The following RHOBTB1 variants were observed in gnomAD, a reference collection of about 807,000 sequenced individuals.
RHOBTB1 encodes the protein Rho related BTB domain containing 1, also known as rho-related BTB domain-containing protein 1.
A neutral mutation model predicts 71.6 loss-of-function variants in RHOBTB1; 40 were observed. That is an observed-to-expected ratio of 0.56 (90% CI 0.43 to 0.73). The LOEUF is 0.73. Among genes scored for constraint, RHOBTB1 ranks in the 30% least tolerant of loss-of-function variants. The pLI, the probability that RHOBTB1 is intolerant of heterozygous loss-of-function variation, is 0.00. For missense variants in RHOBTB1, 797 were observed against 894.0 expected, an observed-to-expected ratio of 0.89 and a Z score of 1.38; for synonymous variants, 319 against 334.9, an observed-to-expected ratio of 0.95 and a Z score of 0.52.
At chr10:60,894,935 T>C (rs1016823887) in intron 4 of RHOBTB1, among the ~76,000 whole-genome samples, 1 of 152,188 alleles carries the variant, frequency 6.6e-6, no homozygotes, top group Admixed American at 6.5e-5. Flanking sequence ...CATGTGAGGT[T>C]TTGAAATCAG....
intron 2 of RHOBTB1, among the ~76,000 whole-genome samples, chr10:60,974,504 A>G (rs867979915): frequency 1.3e-5 from 2 of 152,124 alleles, no homozygotes; most frequent in Non-Finnish European, 2.9e-5. Flanking sequence ...AAATATACAT[A>G]GCTAAATGAT....
chr10:60,880,392 C>T (rs1406119652), intron 7 of RHOBTB1, among the ~76,000 whole-genome samples: 1 of 152,042 alleles, frequency 6.6e-6, no homozygotes, highest in Non-Finnish European at 1.5e-5. Flanking sequence ...TTGTTATTCT[C>T]CTATGCAGCC....
At chr10:60,956,169 A>G (rs1365204057) in intron 2 of RHOBTB1, among the ~76,000 whole-genome samples, 3 of 152,202 alleles carry the variant, frequency 2.0e-5, no homozygotes, top group Non-Finnish European at 4.4e-5. Flanking sequence ...CCTGTACAGC[A>G]TGTTACTGGA....
intron 2 of RHOBTB1, among the ~76,000 whole-genome samples, chr10:60,957,553 G>A (rs915014564): frequency 3.3e-5 from 5 of 151,970 alleles, no homozygotes; most frequent in African/African-American, 1.2e-4. Context: ...CAAGCCTTAC[G>A]GTCAATACAA....
chr10:60,963,951 GA>G (rs551444776), intron 2 of RHOBTB1, among the ~76,000 whole-genome samples: 1 of 151,998 alleles, frequency 6.6e-6, no homozygotes, highest in South Asian at 2.1e-4. Context: ...CAACTGAAGG[GA>G]AAAAACCTTG....
intron 2 of RHOBTB1, among the ~76,000 whole-genome samples, chr10:60,925,324 T>A (rs922736476): frequency 1.3e-5 from 2 of 152,200 alleles, no homozygotes; most frequent in Admixed American, 6.5e-5. Context: ...AATATGCTCC[T>A]GAATGAATGT....
chr10:60,885,228 T>C (rs1310149910), intron 7 of RHOBTB1, among the ~76,000 whole-genome samples: 1 of 152,250 alleles, frequency 6.6e-6, no homozygotes, highest in Non-Finnish European at 1.5e-5. Context: ...GATAGGCTAA[T>C]TAACCCGATT....
chr10:60,961,179 G>A (rs1044403616), intron 2 of RHOBTB1, among the ~76,000 whole-genome samples: 1 of 152,102 alleles, frequency 6.6e-6, no homozygotes, highest in African/African-American at 2.4e-5. Flanking sequence ...ACTGTGGCAT[G>A]CCATGCAAAT....
chr10:60,901,048 A>T (rs1383031033), intron 4 of RHOBTB1, among the ~76,000 whole-genome samples: 2 of 152,238 alleles, frequency 1.3e-5, no homozygotes, highest in Non-Finnish European at 2.9e-5. Context: ...CAGGTAAGTT[A>T]CAACAGAATT....
At chr10:60,923,985 A>G (rs1323171077) in intron 2 of RHOBTB1, among the ~76,000 whole-genome samples, 2 of 152,166 alleles carry the variant, frequency 1.3e-5, no homozygotes, top group African/African-American at 4.8e-5. Context: ...GTTCCTGAAG[A>G]ACTGAGGAGC....
chr10:60,985,711 G>A (rs1241147371), intron 2 of RHOBTB1: 1 of 152,078 alleles, frequency 6.6e-6, no homozygotes, highest in Admixed American at 6.5e-5. Flanking sequence ...TATTTTTTGT[G>A]AAACATAATG....
intron 2 of RHOBTB1, among the ~76,000 whole-genome samples, chr10:60,916,083 G>C (rs1414899399): frequency 6.6e-6 from 1 of 152,180 alleles, no homozygotes; most frequent in Non-Finnish European, 1.5e-5. Flanking sequence ...CCCATCAGGA[G>C]GTGAAATCTA....
rs924393337 is a variant in RHOBTB1 at position 60,953,794 on chromosome 10, C to A, written c.-61-11940G>T. On this transcript the variant is annotated intron_variant, in intron 2 of 11. Transcript: ENST00000357917. ...TGATGAAAAAAAAAGCATATATATC[C>A]TGAACAATAGTTTATAAATAGAAAC... 2.6e-5 allele frequency among the ~76,000 whole-genome samples: 4 copies of A among 151,972 alleles called. No individual in the cohort carries two copies. In the Middle Eastern group the frequency reaches 9.6e-3, roughly 363 times the overall value.
At chr10:60,863,540 C>CT in the RHOBTB1 span, among the ~76,000 whole-genome samples, 118 of 148,986 alleles carry the variant, frequency 7.9e-4, no homozygotes, top group Middle Eastern at 3.4e-3. Flanking sequence ...TTCACATCCC[C>CT]TTTTTTTTTT....
chr10:60,951,132 C>A (rs1407522975), intron 2 of RHOBTB1, among the ~76,000 whole-genome samples: 1 of 152,186 alleles, frequency 6.6e-6, no homozygotes, highest in African/African-American at 2.4e-5. Flanking sequence ...TTTAATCTAA[C>A]CCTGATCTTC....
chr10:60,886,736 C>T (rs1004870135), intron 6 of RHOBTB1, among the ~76,000 whole-genome samples: 9 of 149,734 alleles, frequency 6.0e-5, no homozygotes, highest in Non-Finnish European at 1.0e-4. Flanking sequence ...GTGGGTCTGG[C>T]TATGTTGTCC....
At chr10:60,999,191 G>A (rs2087167442) in intron 1 of RHOBTB1, among the ~76,000 whole-genome samples, 1 of 152,204 alleles carries the variant, frequency 6.6e-6, no homozygotes, top group Non-Finnish European at 1.5e-5. Context: ...CAGAGGGAAG[G>A]TTGTAGAATA....
chr10:60,966,480 G>A (rs1223522979), intron 2 of RHOBTB1, among the ~76,000 whole-genome samples: 2 of 151,184 alleles, frequency 1.3e-5, no homozygotes, highest in Non-Finnish European at 2.9e-5. Flanking sequence ...GATCAGCTTG[G>A]GCAACATAGC....
chr10:60,922,787 C>T (rs1037604190), intron 2 of RHOBTB1, among the ~76,000 whole-genome samples: 2 of 152,198 alleles, frequency 1.3e-5, no homozygotes, highest in Non-Finnish European at 2.9e-5. Flanking sequence ...GAAAAAGATT[C>T]TCTCTGTTCT....
Sources: gnomAD v4.1 joint callset for allele counts (sites outside exome capture counted in the v4.1 genomes callset) on GRCh38, gnomAD v4.1.1 for gene constraint, MANE v1.5 for transcripts, NCBI Gene and HGNC (gene_info 2026-07-23, HGNC 2026-07-21) for gene names.